Variants in AGTPBP1 observed in about 807,000 individuals in gnomAD.
The protein encoded by AGTPBP1 is cytosolic carboxypeptidase 1.
In AGTPBP1, 70 loss-of-function variants were observed where a neutral mutation model predicts 143.9. That is an observed-to-expected ratio of 0.49 (90% CI 0.40 to 0.59). The LOEUF (loss-of-function observed/expected upper bound fraction) is 0.59, where lower values mean the gene tolerates loss of function less well. Ranked by LOEUF, AGTPBP1 falls within the 20% of genes least tolerant of loss-of-function variation. The pLI is 0.00. For missense variants in AGTPBP1, 1,229 were observed against 1,464.5 expected (o/e 0.84, Z 2.62); for synonymous variants, 463 against 500.2 (o/e 0.93, Z 0.99).
At chr9:85,617,959 G>A (rs531675486) in intron 17 of AGTPBP1, among the ~76,000 whole-genome samples, 1 of 152,144 alleles carries the variant, frequency 6.6e-6, no homozygotes, top group African/African-American at 2.4e-5. Flanking sequence ...TAAATTTCTA[G>A]CTGGGCGCAC....
intron 23 of AGTPBP1, among the ~76,000 whole-genome samples, 195 bp from the exon 24 acceptor site, chr9:85,579,291 T>TA (rs1292331158): frequency 6.6e-6 from 1 of 152,154 alleles, no homozygotes; most frequent in Admixed American, 6.5e-5. Context: ...TCTAAACAAA[T>TA]ATAGTATCCA....
At chr9:85,742,169 G>C, upstream of AGTPBP1, 1 of 496,152 alleles carries the variant, frequency 2.0e-6, no homozygotes. Flanking sequence ...CGCGCGTGGG[G>C]GCGGAGCGCG....
upstream of AGTPBP1, among the ~76,000 whole-genome samples, chr9:85,742,230 T>C (rs1168165116): frequency 6.6e-6 from 1 of 152,056 alleles, no homozygotes; most frequent in Non-Finnish European, 1.5e-5. Context: ...CGGTCCCTTG[T>C]ACCCAGCAGC....
At chr9:85,725,065 C>G (rs780859749) in intron 1 of AGTPBP1, among the ~76,000 whole-genome samples, 1 of 152,134 alleles carries the variant, frequency 6.6e-6, no homozygotes, top group Non-Finnish European at 1.5e-5. Context: ...TCCCCTGCAC[C>G]CTGCAGCTAC....
chr9:85,674,340 A>G (rs1834688970), intron 6 of AGTPBP1, among the ~76,000 whole-genome samples: 1 of 152,004 alleles, frequency 6.6e-6, no homozygotes, highest in East Asian at 1.9e-4. Flanking sequence ...CCCAAATTTA[A>G]AAGAATATAT....
chr9:85,696,685 A>C (rs950351527), intron 2 of AGTPBP1, among the ~76,000 whole-genome samples: 20 of 152,122 alleles, frequency 1.3e-4, no homozygotes, highest in African/African-American at 4.3e-4. Flanking sequence ...AAAAAGTATC[A>C]ATCCACATTT....
At chr9:85,620,724 T>C (rs952177223) in intron 15 of AGTPBP1, among the ~76,000 whole-genome samples, 2 of 152,088 alleles carry the variant, frequency 1.3e-5, no homozygotes, top group Non-Finnish European at 2.9e-5. Context: ...CCTAAATGAC[T>C]GAGCCGATTA....
the AGTPBP1 span, among the ~76,000 whole-genome samples, chr9:85,795,619 T>A: frequency 6.6e-6 from 1 of 152,142 alleles, no homozygotes; most frequent in Non-Finnish European, 1.5e-5. Flanking sequence ...AAGAGGAATA[T>A]AATGACTCTG....
At chr9:85,698,315 G>A (rs1836405749) in intron 2 of AGTPBP1, among the ~76,000 whole-genome samples, 1 of 152,178 alleles carries the variant, frequency 6.6e-6, no homozygotes, top group African/African-American at 2.4e-5. Flanking sequence ...TTTTCCAAAT[G>A]CCAGATGGAT....
At chr9:85,745,353 G>A (rs963662759), upstream of AGTPBP1, among the ~76,000 whole-genome samples, 3 of 152,178 alleles carry the variant, frequency 2.0e-5, no homozygotes, top group Non-Finnish European at 4.4e-5. Context: ...TGGTCCTCTG[G>A]AGTTAGAGGA....
At chr9:85,663,980 G>A (rs983438724) in intron 8 of AGTPBP1, among the ~76,000 whole-genome samples, 4 of 151,980 alleles carry the variant, frequency 2.6e-5, no homozygotes, top group Non-Finnish European at 4.4e-5. Context: ...CAATAAAAAG[G>A]AATAAATTTT....
chr9:85,796,274 C>A, the AGTPBP1 span, among the ~76,000 whole-genome samples: 2 of 152,144 alleles, frequency 1.3e-5, no homozygotes, highest in Admixed American at 1.3e-4. Context: ...AGCCCTAGTA[C>A]TAAAATCTTT....
At chr9:85,571,494 C>A (rs988102260) in intron 25 of AGTPBP1, among the ~76,000 whole-genome samples, 1 of 152,076 alleles carries the variant, frequency 6.6e-6, no homozygotes, top group African/African-American at 2.4e-5. Flanking sequence ...AAGCCCCATA[C>A]ATACAAATTT....
At chr9:85,720,021 G>A (rs911486290) in intron 1 of AGTPBP1, among the ~76,000 whole-genome samples, 110 of 152,268 alleles carry the variant, frequency 7.2e-4, no homozygotes, top group African/African-American at 2.6e-3. Flanking sequence ...CAACTTGATT[G>A]TGGTGGATAA....
At chr9:85,803,346 A>G in the AGTPBP1 span, among the ~76,000 whole-genome samples, 2 of 152,178 alleles carry the variant, frequency 1.3e-5, no homozygotes, top group Admixed American at 6.6e-5. Context: ...CGTTTTTGTG[A>G]AAGTCCAATT....
the AGTPBP1 span, among the ~76,000 whole-genome samples, chr9:85,767,496 C>G: frequency 3.9e-5 from 6 of 152,074 alleles, no homozygotes; most frequent in Non-Finnish European, 8.8e-5. Flanking sequence ...TGCAGGCACA[C>G]GCCATCATGC....
At chr9:85,786,494 C>T in the AGTPBP1 span, 20 of 1,613,740 alleles carry the variant, frequency 1.2e-5, no homozygotes, top group Non-Finnish European at 1.5e-5. Context: ...ACTATCATTG[C>T]GACGTTCCAG....
chr9:85,672,196 A>G (rs7849377), intron 7 of AGTPBP1, among the ~76,000 whole-genome samples: 76,566 of 151,770 alleles, frequency 0.5, 21,988 homozygotes, highest in East Asian at 0.87. Flanking sequence ...TCAGCCTCCC[A>G]AATAGTCAGG....
In AGTPBP1 at chr9:85,712,482, GAT is replaced by G. The variant is rs1354151225; in HGVS notation, c.32+18_32+19del. The G allele has an allele frequency of 5.0e-6, 7 of 1,389,864 alleles. No homozygotes were observed. Among genetic ancestry groups the G allele is most frequent in the Non-Finnish European group, 6.9e-6 (7 of 1,017,636 alleles). The allele number at this position is 1,389,864 out of a possible 1,614,324, so 86.1% of individuals were successfully genotyped here. ...ATTATTTCTGTAACTTATGCATACT[GAT>G]ATTCAGAATTACAGTACCTTTTTTC... On this transcript the variant is annotated intron_variant, in intron 2 of 25. Transcript: ENST00000357081.
Sources: gnomAD v4.1 joint callset for allele counts (sites outside exome capture counted in the v4.1 genomes callset) on GRCh38, gnomAD v4.1.1 for gene constraint, MANE v1.5 for transcripts, NCBI Gene and HGNC (gene_info 2026-07-23, HGNC 2026-07-21) for gene names.